Variants in CHMP7 observed in about 807,000 individuals in gnomAD.
The protein encoded by CHMP7 is CHMP family, member 7.
Under a neutral mutation model 53.7 loss-of-function variants are expected in CHMP7, and 15 were observed. That is an observed-to-expected ratio of 0.28 (90% CI 0.19 to 0.43). The LOEUF (loss-of-function observed/expected upper bound fraction) is 0.43, where lower values mean the gene tolerates loss of function less well. Ranked by LOEUF, CHMP7 falls within the 20% of genes least tolerant of loss-of-function variation. The pLI, the probability that CHMP7 is intolerant of heterozygous loss-of-function variation, is 1.00. For synonymous variants in CHMP7, 261 were observed against 228.0 expected (o/e 1.14, Z -1.30); for missense variants, 527 against 569.4 (o/e 0.93, Z 0.76).
chr8:23,245,803 T>G (rs987006685), intron 1 of CHMP7, among the ~76,000 whole-genome samples: 1 of 152,232 alleles, frequency 6.6e-6, no homozygotes, highest in Non-Finnish European at 1.5e-5. Context: ...TAATTAGATA[T>G]AAACATATTC....
At chr8:23,254,184 A>ACCT (rs376074969) in intron 3 of CHMP7, among the ~76,000 whole-genome samples, 4 of 76,642 alleles carry the variant, frequency 5.2e-5, no homozygotes, top group South Asian at 4.0e-4. Flanking sequence ...ATTCTGCTCA[A>ACCT]CTTTTTTTTT....
intron 7 of CHMP7, 117 bp from the exon 8 acceptor site, chr8:23,258,615 A>C (rs1802234629): frequency 8.3e-7 from 1 of 1,208,508 alleles, no homozygotes; most frequent in Non-Finnish European, 1.2e-6. Flanking sequence ...GTATAGGGTA[A>C]ATTGAGCTTG....
At chr8:23,253,037 C>T (rs758877412) in intron 3 of CHMP7, among the ~76,000 whole-genome samples, 2 of 152,166 alleles carry the variant, frequency 1.3e-5, no homozygotes, top group South Asian at 4.1e-4. Context: ...GTTTACATGA[C>T]GCTGCAAGTT....
At chr8:23,245,598 CTT>C (rs1246583547) in intron 1 of CHMP7, among the ~76,000 whole-genome samples, 1 of 152,084 alleles carries the variant, frequency 6.6e-6, no homozygotes, top group Non-Finnish European at 1.5e-5. Flanking sequence ...CTTGTAATGT[CTT>C]TGTGTGGTTT....
intron 7 of CHMP7, 55 bp downstream of exon 7, chr8:23,258,504 A>C (rs1301270588): frequency 6.2e-7 from 1 of 1,603,700 alleles, no homozygotes; most frequent in Non-Finnish European, 8.5e-7. Context: ...TGTGTTGGTC[A>C]CTTGCAGCTT....
intron 4 of CHMP7, among the ~76,000 whole-genome samples, chr8:23,255,793 T>C (rs1242960630): frequency 7.1e-6 from 1 of 141,244 alleles, no homozygotes; most frequent in Non-Finnish European, 1.5e-5. Flanking sequence ...TTTTTTGAGA[T>C]GGAGTCTTGC....
intron 5 of CHMP7, among the ~76,000 whole-genome samples, chr8:23,257,084 G>GC (rs1373145571): frequency 6.8e-6 from 1 of 146,988 alleles, no homozygotes; most frequent in Non-Finnish European, 1.5e-5. Context: ...GAGCCACCGT[G>GC]CCCGGCCTTT....
intron 4 of CHMP7, among the ~76,000 whole-genome samples, chr8:23,255,770 A>AC (rs960325678): frequency 6.5e-5 from 5 of 77,370 alleles, no homozygotes; most frequent in Non-Finnish European, 1.4e-4. Context: ...CCCTTATTGT[A>AC]CTTTTTTTTT....
At chr8:23,245,581 T>G (rs996628637) in intron 1 of CHMP7, among the ~76,000 whole-genome samples, 3 of 152,204 alleles carry the variant, frequency 2.0e-5, no homozygotes, top group Non-Finnish European at 4.4e-5. Context: ...TTTTGTGTTT[T>G]TTCTTTCTTG....
At chr8:23,260,105 C>G in intron 9 of CHMP7, 39 bp from the exon 10 acceptor site, 1 of 1,556,546 alleles carries the variant, frequency 6.4e-7, no homozygotes, top group Non-Finnish European at 8.9e-7. Flanking sequence ...GCATTTCTCC[C>G]TTGAGTTTAT....
In CHMP7 at chr8:23,258,025, G is replaced by A. The variant is rs368833119; in HGVS notation, c.792-8G>A. ...GCACAGTAATCTTATCTGTCCCTTTGTTTCCAGGTGTAAAGAAGAAGCCCG... is the reference window on the plus strand; with the variant it reads ...GCACAGTAATCTTATCTGTCCCTTTATTTCCAGGTGTAAAGAAGAAGCCCG... On this transcript the variant is annotated splice_region_variant and splice_polypyrimidine_tract_variant and intron_variant, in intron 5 of 10. Coordinates refer to ENST00000397677, the MANE Select transcript of CHMP7 (RefSeq NM_152272.5). 67 of 1,608,954 alleles carry A rather than the reference G, an allele frequency of 4.2e-5. No individual in the cohort carries two copies. Among genetic ancestry groups the A allele is most frequent in the Non-Finnish European group, 5.4e-5 (63 of 1,176,062 alleles).
chr8:23,260,450 A>G, intron 10 of CHMP7, 88 bp from the exon 11 acceptor site: 4 of 1,499,098 alleles, frequency 2.7e-6, no homozygotes, highest in South Asian at 2.3e-5. Context: ...AGGGTTGTTT[A>G]TATTAAGACT....
intron 2 of CHMP7, 29 bp from the exon 3 acceptor site, chr8:23,249,181 C>A: frequency 2.6e-6 from 4 of 1,546,476 alleles, no homozygotes; most frequent in Non-Finnish European, 3.5e-6. Flanking sequence ...TTAAGTGCTA[C>A]TACACGCCCT....
In CHMP7 at chr8:23,246,411, C is replaced by G. The variant is rs1271188087; in HGVS notation, c.-285C>G. ...GGAGACGTAAGGTGCAGCCACCTGCCGCGCAGGCGCAAGCCTTTCTTTCGG... is the reference window on the plus strand; with the variant it reads ...GGAGACGTAAGGTGCAGCCACCTGCGGCGCAGGCGCAAGCCTTTCTTTCGG... On this transcript the variant is annotated 5_prime_UTR_variant, in exon 2 of 11. Coordinates refer to ENST00000397677, the MANE Select transcript of CHMP7 (RefSeq NM_152272.5). 13 of 465,350 alleles carry G rather than the reference C, an allele frequency of 2.8e-5. No homozygotes were observed. Among genetic ancestry groups the G allele is most frequent in the Non-Finnish European group, 1.2e-5 (3 of 260,152 alleles). 28.8% of individuals were successfully genotyped at this position (465,350 alleles called of 1,614,324 possible).
intron 1 of CHMP7, 125 bp from the exon 2 acceptor site, chr8:23,246,131 T>C (rs1801673812): frequency 6.6e-6 from 1 of 152,320 alleles, no homozygotes; most frequent in Non-Finnish European, 1.5e-5. Flanking sequence ...ATTTTTTCTC[T>C]TCTGTTTAAT....
At chr8:23,250,620 C>CTGTGTGTGTG (rs59970101) in intron 3 of CHMP7, among the ~76,000 whole-genome samples, 94 of 143,392 alleles carry the variant, frequency 6.6e-4, no homozygotes, top group Middle Eastern at 3.5e-3. Context: ...TGATAGGGGC[C>CTGTGTGTGTG]TGTGTGTGTG....
intron 5 of CHMP7, 96 bp downstream of exon 5, chr8:23,256,689 G>T (rs141471466): frequency 1.4e-6 from 1 of 697,530 alleles, no homozygotes; most frequent in Non-Finnish European, 2.1e-6. Context: ...AAAATAGGTG[G>T]GTTTTTTTTT....
Position 23,259,059 on chromosome 8 carries a change from C to CT in CHMP7, c.1060-5dup, listed in dbSNP as rs1802260059. On this transcript the variant is annotated splice_polypyrimidine_tract_variant and splice_region_variant and intron_variant, in intron 8 of 10. Coordinates refer to ENST00000397677, the MANE Select transcript of CHMP7 (RefSeq NM_152272.5). ...CCAGCTCAAGGCTTTGCACTTGTCT[C>CT]TTACAGCTCTGTGACACCCAGGATG... 1.9e-6 allele frequency: 3 copies of CT among 1,602,222 alleles called. No homozygotes were observed. Among genetic ancestry groups the CT allele is most frequent in the Non-Finnish European group, 2.6e-6 (3 of 1,169,396 alleles).
rs192677597 is a variant in CHMP7 at position 23,255,229 on chromosome 8, A to G, written c.472-18A>G. 319 of 1,613,682 alleles carry G rather than the reference A, an allele frequency of 2.0e-4. No individual in the cohort carries two copies. The highest frequency in any genetic ancestry group is 2.5e-4 in the Non-Finnish European group (294 of 1,179,926). ...GGCAGTGGCCAGGGCCTGTCAGCCA[A>G]TGTTGCCTTTCCCACAGGAAAAGGC... On this transcript the variant is annotated intron_variant, in intron 3 of 10. Transcript: ENST00000397677.
Sources: gnomAD v4.1 joint callset for allele counts (sites outside exome capture counted in the v4.1 genomes callset) on GRCh38, gnomAD v4.1.1 for gene constraint, MANE v1.5 for transcripts, NCBI Gene and HGNC (gene_info 2026-07-23, HGNC 2026-07-21) for gene names.